The following PAPPA2 variants were observed in gnomAD, a reference collection of about 807,000 sequenced individuals.
The protein encoded by PAPPA2 is pappalysin 2.
In PAPPA2, 86 loss-of-function variants were observed where a neutral mutation model predicts 176.4. That is an observed-to-expected ratio of 0.49 (90% confidence interval 0.41 to 0.58). The LOEUF (loss-of-function observed/expected upper bound fraction) is 0.58. Among genes scored for constraint, PAPPA2 ranks in the 20% least tolerant of loss-of-function variants. The pLI is 0.00. For synonymous variants in PAPPA2, 809 were observed against 852.2 expected, an observed-to-expected ratio of 0.95 and a Z score of 0.88; for missense variants, 2,073 against 2,256.9, an observed-to-expected ratio of 0.92 and a Z score of 1.65.
At chr1:176,685,012 C>T (rs1158612582) in intron 4 of PAPPA2, among the ~76,000 whole-genome samples, 1 of 151,676 alleles carries the variant, frequency 6.6e-6, no homozygotes, top group Non-Finnish European at 1.5e-5. Flanking sequence ...TGAGGTTGTT[C>T]TCCTACTGTG....
At chr1:176,493,555 A>G (rs1317019579) in intron 1 of PAPPA2, among the ~76,000 whole-genome samples, 1 of 152,206 alleles carries the variant, frequency 6.6e-6, no homozygotes, top group Non-Finnish European at 1.5e-5. Context: ...TCTCAGGAGC[A>G]AAACCAATAG....
intron 17 of PAPPA2, among the ~76,000 whole-genome samples, chr1:176,778,926 TCA>T (rs1460403333): frequency 1.3e-5 from 2 of 152,170 alleles, no homozygotes; most frequent in Admixed American, 1.3e-4. Flanking sequence ...CCTTTTGGCT[TCA>T]CAGTGATTGA....
intron 3 of PAPPA2, among the ~76,000 whole-genome samples, chr1:176,653,496 G>A (rs1017226626): frequency 2.0e-5 from 3 of 151,736 alleles, no homozygotes; most frequent in East Asian, 3.9e-4. Flanking sequence ...GATCTCCCCT[G>A]CTGGGCTTTG....
chr1:176,734,116 A>G (rs1470709572), intron 12 of PAPPA2, among the ~76,000 whole-genome samples: 1 of 152,118 alleles, frequency 6.6e-6, no homozygotes, highest in Non-Finnish European at 1.5e-5. Context: ...ACATCACAGT[A>G]TCCAATACAA....
At chr1:176,533,413 GC>G (rs1435953092) in intron 1 of PAPPA2, among the ~76,000 whole-genome samples, 1 of 152,246 alleles carries the variant, frequency 6.6e-6, no homozygotes, top group East Asian at 1.9e-4. Context: ...TTGAAGCTGA[GC>G]CCATAGTGCT....
At chr1:176,692,993 A>G (rs939129250) in intron 6 of PAPPA2, among the ~76,000 whole-genome samples, 1 of 152,206 alleles carries the variant, frequency 6.6e-6, no homozygotes, top group Non-Finnish European at 1.5e-5. Flanking sequence ...TACACCTAAA[A>G]CTAACTTTCA....
intron 1 of PAPPA2, among the ~76,000 whole-genome samples, chr1:176,552,267 T>C (rs1192222258): frequency 6.6e-6 from 1 of 150,904 alleles, no homozygotes; most frequent in Non-Finnish European, 1.5e-5. Context: ...CCCAGAATCT[T>C]CTCTTTTTCC....
intron 17 of PAPPA2, among the ~76,000 whole-genome samples, chr1:176,775,732 G>A (rs969988482): frequency 2.0e-5 from 3 of 152,102 alleles, no homozygotes; most frequent in African/African-American, 7.2e-5. Context: ...TCCCCAAGTC[G>A]CTACCATGTA....
At chr1:176,754,517 G>A (rs944820789) in intron 14 of PAPPA2, among the ~76,000 whole-genome samples, 2 of 152,072 alleles carry the variant, frequency 1.3e-5, no homozygotes, top group Non-Finnish European at 2.9e-5. Context: ...CCATGGCCCT[G>A]CTGAAATTTA....
intron 2 of PAPPA2, among the ~76,000 whole-genome samples, chr1:176,558,182 C>G (rs1368147655): frequency 6.6e-6 from 1 of 152,178 alleles, no homozygotes; most frequent in Non-Finnish European, 1.5e-5. Context: ...TAACACAAAG[C>G]AAGGTGCACA....
chr1:176,733,754 A>G (rs760702276), intron 12 of PAPPA2, among the ~76,000 whole-genome samples: 1 of 152,098 alleles, frequency 6.6e-6, no homozygotes, highest in African/African-American at 2.4e-5. Context: ...CAGGATTCAG[A>G]CTGAGAGGAG....
chr1:176,463,626 A>G (rs1264999400), intron 1 of PAPPA2, among the ~76,000 whole-genome samples: 1 of 152,140 alleles, frequency 6.6e-6, no homozygotes, highest in Non-Finnish European at 1.5e-5. Context: ...CTCCCACTTA[A>G]TGGCTCAGTT....
chr1:176,474,525 G>A lies in PAPPA2; in HGVS notation c.-917+11107G>A, dbSNP rs141267531. 2.2e-4 allele frequency among the ~76,000 whole-genome samples: 34 copies of A among 152,260 alleles called. No individual in the cohort carries two copies. In the East Asian group the frequency reaches 6.4e-3, roughly 29 times the overall value. Reference sequence around the variant, plus strand: ...TATCAGATATTTTGGGCACAATGGTGGTGATGGCAGTGCCCACTTGGAGAC... The same window carrying A: ...TATCAGATATTTTGGGCACAATGGTAGTGATGGCAGTGCCCACTTGGAGAC... On this transcript the variant is annotated intron_variant, in intron 1 of 22. Transcript: ENST00000367662.
rs1178199819 is a variant in PAPPA2 at position 176,794,561 on chromosome 1, G to A, written c.5130+892G>A. The stretch of plus-strand genomic sequence containing the variant: ...TGTGTGTATATGTGTGCACGTGTGT[G>A]TATATACAATAATGTCTAGGTCATT... On this transcript the variant is annotated intron_variant, in intron 20 of 22. Coordinates refer to ENST00000367662, the MANE Select transcript of PAPPA2 (RefSeq NM_020318.3). 1.3e-5 allele frequency among the ~76,000 whole-genome samples: 2 copies of A among 152,130 alleles called. 1 individual carries two copies. Among genetic ancestry groups the A allele is most frequent in the Non-Finnish European group, 2.9e-5 (2 of 68,030 alleles).
At chr1:176,652,839 C>T (rs1657810656) in intron 3 of PAPPA2, among the ~76,000 whole-genome samples, 1 of 151,642 alleles carries the variant, frequency 6.6e-6, no homozygotes, top group Admixed American at 6.6e-5. Context: ...ATACATGGTG[C>T]TGGGCAGGTT....
intron 2 of PAPPA2, among the ~76,000 whole-genome samples, chr1:176,591,811 T>C (rs1192518547): frequency 6.6e-6 from 1 of 152,216 alleles, no homozygotes; most frequent in Admixed American, 6.5e-5. Flanking sequence ...AGATGCGTGA[T>C]CTAGTATAAT....
intron 14 of PAPPA2, among the ~76,000 whole-genome samples, chr1:176,764,827 A>C (rs551986604): frequency 1.3e-5 from 2 of 152,094 alleles, no homozygotes; most frequent in South Asian, 4.2e-4. Flanking sequence ...CTATCTCCTG[A>C]CCTCGTGATC....
chr1:176,529,096 A>G (rs1044979198), intron 1 of PAPPA2, among the ~76,000 whole-genome samples: 2 of 152,178 alleles, frequency 1.3e-5, no homozygotes, highest in Non-Finnish European at 2.9e-5. Flanking sequence ...TAGACACTTT[A>G]TAAATATTTG....
intron 21 of PAPPA2, among the ~76,000 whole-genome samples, chr1:176,810,906 A>G (rs994334950): frequency 2.0e-5 from 3 of 152,192 alleles, no homozygotes; most frequent in African/African-American, 4.8e-5. Context: ...ATCAACACTA[A>G]GGTTGCTTCT....
Sources: allele counts gnomAD v4.1 joint callset (sites outside exome capture counted in the v4.1 genomes callset), GRCh38; gene constraint gnomAD v4.1.1; transcripts MANE v1.5; gene names NCBI Gene and HGNC (gene_info 2026-07-23, HGNC 2026-07-21).